Variants in SAMD4B observed in about 807,000 individuals in gnomAD.
The protein encoded by SAMD4B is protein Smaug homolog 2.
SAMD4B carries 5 observed loss-of-function variants against 74.5 expected under a neutral mutation model. That is an observed-to-expected ratio of 0.07 (90% CI 0.04 to 0.14). The LOEUF (loss-of-function observed/expected upper bound fraction) is 0.14, where lower values mean the gene tolerates loss of function less well. SAMD4B is among the 10% of genes least tolerant of loss of function. The probability of loss-of-function intolerance (pLI) is 1.00; values close to 1 mark genes in which losing one functional copy is unlikely to be tolerated. For missense variants in SAMD4B, 608 were observed against 921.8 expected, an observed-to-expected ratio of 0.66 and a Z score of 4.41; for synonymous variants, 373 against 374.9, an observed-to-expected ratio of 1.00 and a Z score of 0.06.
At chr19:39,365,526 A>T (rs1161639018) in intron 3 of SAMD4B, among the ~76,000 whole-genome samples, 1 of 151,890 alleles carries the variant, frequency 6.6e-6, no homozygotes, top group East Asian at 1.9e-4. Flanking sequence ...CTGCACTCCA[A>T]CTTGAACAAC....
At chr19:39,371,407 G>A (rs1293333623) in intron 4 of SAMD4B, among the ~76,000 whole-genome samples, 1 of 152,176 alleles carries the variant, frequency 6.6e-6, no homozygotes. Context: ...AGGGATAGAA[G>A]GGCAGTTTCA....
chr19:39,352,289 T>G (rs1292671207), intron 1 of SAMD4B: 1 of 152,160 alleles, frequency 6.6e-6, no homozygotes, highest in Non-Finnish European at 1.5e-5. Flanking sequence ...GGCTTGAAGG[T>G]ATAAACCAGA....
At chr19:39,343,062 C>T (rs2075419767) in intron 1 of SAMD4B, among the ~76,000 whole-genome samples, 1 of 151,866 alleles carries the variant, frequency 6.6e-6, no homozygotes, top group Non-Finnish European at 1.5e-5. Context: ...AAATAGTCCT[C>T]GGAGGCCACT....
At chr19:39,358,036 T>A (rs566091911) in intron 3 of SAMD4B, among the ~76,000 whole-genome samples, 57 of 152,284 alleles carry the variant, frequency 3.7e-4, no homozygotes, top group African/African-American at 1.3e-3. Flanking sequence ...TTTAGGAGGC[T>A]GAGGCAGGCA....
At position 39,370,087 on chromosome 19, in the gene SAMD4B, C is replaced by T. The variant is rs767556722; in HGVS notation, c.629C>T (p.Pro210Leu). 1.9e-5 allele frequency: 31 copies of T among 1,605,986 alleles called. No homozygotes were observed. Among genetic ancestry groups the T allele is most frequent in the South Asian group, 1.0e-4 (9 of 89,648 alleles). Residue 210 changes from proline to leucine, a missense_variant, in exon 4 of 14, where the codon CCG (proline) becomes CTG (leucine). Physicochemically the swap from Pro to Leu is moderately conservative, Grantham distance 98. Around this residue, in one of 9 missense-constraint regions of SAMD4B, gnomAD observed 153 missense variants for 153.0 expected, o/e 1.00. Transcript: ENST00000610417. ...CCCTTCCACCCATCCAGCTCAGTGC[C>T]GCCAGCCATCAACAGTATTGGGAGC... ...HVPFHPSSSV[P>L]PAINSIGSNA...
intron 9 of SAMD4B, among the ~76,000 whole-genome samples, chr19:39,379,593 CAG>C (rs1294557303): frequency 6.6e-6 from 1 of 152,112 alleles, no homozygotes; most frequent in African/African-American, 2.4e-5. Flanking sequence ...TTTTTGGAAA[CAG>C]AGTCTCGCTC....
downstream of SAMD4B, among the ~76,000 whole-genome samples, chr19:39,387,642 A>G (rs575369690): frequency 3.3e-5 from 5 of 152,370 alleles, no homozygotes; most frequent in African/African-American, 1.2e-4. Context: ...AGGTGCTGGC[A>G]TAGCAGTAAA....
At chr19:39,361,547 C>T (rs1015708523) in intron 3 of SAMD4B, among the ~76,000 whole-genome samples, 1 of 150,824 alleles carries the variant, frequency 6.6e-6, no homozygotes, top group Admixed American at 6.6e-5. Context: ...ACCCAGGAGG[C>T]GGAGTTTGCA....
chr19:39,383,401 AG>A lies in SAMD4B; in HGVS notation c.2057-95del. The A allele has an allele frequency of 6.4e-7, 1 of 1,566,522 alleles. No homozygotes were observed. The highest frequency in any genetic ancestry group is 2.2e-5 in the East Asian group (1 of 44,628). On this transcript the variant is annotated intron_variant, in intron 13 of 13. Transcript: ENST00000610417. This position sits in a 1 kb window ranked among gnomAD's most constrained non-coding sequence, Gnocchi z 4.1. ...GGGTCCCCAGGGGAGGCCAGACTCC[AG>A]GGAGGGCCTGACTGGGATGACAGGC...
In SAMD4B at chr19:39,375,620, A is replaced by C; in HGVS notation, c.668-30A>C. Reference sequence around the variant, plus strand: ...CTCCTGTGGTTGGGTCCCCAGGTCTAATATTTTGCTTTTCTCCCACTCTGG... The same window carrying C: ...CTCCTGTGGTTGGGTCCCCAGGTCTCATATTTTGCTTTTCTCCCACTCTGG... On this transcript the variant is annotated intron_variant, in intron 4 of 13. Transcript: ENST00000610417. The surrounding 1 kb of genome is among the most constrained non-coding windows in gnomAD (Gnocchi z 4.1). 6.3e-7 allele frequency: 1 copy of C among 1,589,528 alleles called. No individual in the cohort carries two copies. The highest frequency in any genetic ancestry group is 1.1e-5 in the South Asian group (1 of 90,262).
chr19:39,384,100 C>A lies in SAMD4B; in HGVS notation c.*573C>A. The A allele has an allele frequency of 3.5e-6, 1 of 288,182 alleles. No individual in the cohort carries two copies. The highest frequency in any genetic ancestry group is 6.5e-6 in the Non-Finnish European group (1 of 152,846). 17.9% of individuals were successfully genotyped at this position (288,182 alleles called of 1,614,324 possible). A position where few individuals can be genotyped will look rare whatever the true frequency, so the allele number is the denominator to read the frequency against. Reference sequence around the variant, plus strand: ...GGACAGGAGCCACCTTCCTCTCTCTCACCTCCCCTGGCCCTGTTCACCAGA... The same window carrying A: ...GGACAGGAGCCACCTTCCTCTCTCTAACCTCCCCTGGCCCTGTTCACCAGA... On this transcript the variant is annotated 3_prime_UTR_variant, in exon 14 of 14. Coordinates refer to ENST00000610417, the MANE Select transcript of SAMD4B (RefSeq NM_001384574.2).
intron 3 of SAMD4B, among the ~76,000 whole-genome samples, chr19:39,366,281 A>C (rs1433677510): frequency 6.6e-6 from 1 of 151,960 alleles, no homozygotes; most frequent in African/African-American, 2.4e-5. Context: ...GTGCCACTGC[A>C]CTCCAGCCTG....
intron 3 of SAMD4B, among the ~76,000 whole-genome samples, chr19:39,358,283 CA>C (rs1180856042): frequency 1.3e-5 from 2 of 152,040 alleles, no homozygotes; most frequent in Non-Finnish European, 2.9e-5. Context: ...AACAAACAAA[CA>C]AAAAAAGCAG....
chr19:39,350,028 C>G (rs938140513), intron 1 of SAMD4B: 11 of 152,146 alleles, frequency 7.2e-5, no homozygotes, highest in African/African-American at 2.7e-4. Flanking sequence ...GTTGCTCCAT[C>G]TGTAAAATGA....
chr19:39,369,588 G>A (rs2145675726), intron 3 of SAMD4B, 67 bp from the exon 4 acceptor site: 2 of 1,274,654 alleles, frequency 1.6e-6, no homozygotes, highest in East Asian at 4.8e-5. Context: ...GCCATAGGCA[G>A]TGCTCTCAGG....
At chr19:39,386,411 G>A (rs2078250411), downstream of SAMD4B, 2 of 1,613,886 alleles carry the variant, frequency 1.2e-6, no homozygotes, top group African/African-American at 1.3e-5. This position sits in a 1 kb window ranked among gnomAD's most constrained non-coding sequence, Gnocchi z 6.1. Flanking sequence ...CATCTGGAAG[G>A]GAGTGGAGAG....
chr19:39,389,491 G>A (rs772847733), downstream of SAMD4B: 1 of 1,614,092 alleles, frequency 6.2e-7, no homozygotes, highest in East Asian at 2.2e-5. The surrounding 1 kb of genome is among the most constrained non-coding windows in gnomAD (Gnocchi z 5.3). Context: ...TCTTGGAGCT[G>A]GTGGGGGCCT....
intron 1 of SAMD4B, among the ~76,000 whole-genome samples, chr19:39,344,483 C>A (rs1442573077): frequency 6.6e-6 from 1 of 152,198 alleles, no homozygotes; most frequent in Non-Finnish European, 1.5e-5. Flanking sequence ...CTCCATCAGC[C>A]ACCCACTCCC....
At chr19:39,376,090 G>A (rs970178335) in intron 5 of SAMD4B, among the ~76,000 whole-genome samples, 1 of 152,144 alleles carries the variant, frequency 6.6e-6, no homozygotes, top group African/African-American at 2.4e-5. Context: ...AGTCTGACTG[G>A]GAAGGAGCCC....
Sources: allele counts gnomAD v4.1 joint callset (sites outside exome capture counted in the v4.1 genomes callset), GRCh38; gene constraint gnomAD v4.1.1; regional missense constraint gnomAD v4.1.1; non-coding constraint Gnocchi (gnomAD v3.1); transcripts MANE v1.5; gene names NCBI Gene and HGNC (gene_info 2026-07-23, HGNC 2026-07-21).